ANK2: variants seen among roughly 807,000 people sequenced by gnomAD.
ANK2 encodes ankyrin 2.
In ANK2, 83 loss-of-function variants were observed where a neutral mutation model predicts 360.5. The ratio of observed to expected loss-of-function variants is 0.23; its 90% confidence interval spans 0.19 to 0.28. ANK2 has a LOEUF of 0.28. Ranked by LOEUF, ANK2 falls within the 10% of genes least tolerant of loss-of-function variation. ANK2 has a pLI of 1.00. For synonymous variants in ANK2, 1,740 were observed against 1,759.5 expected (o/e 0.99, Z 0.28); for missense variants, 4,201 against 4,795.7 (o/e 0.88, Z 3.66).
chr4:112,712,406 A>ATT, the ANK2 span, among the ~76,000 whole-genome samples: 9 of 86,826 alleles, frequency 1.0e-4, no homozygotes, highest in African/African-American at 4.0e-4. Flanking sequence ...ATATATATAT[A>ATT]TTTTTTTTTT....
chr4:113,298,715 A>G (rs1259297048), intron 22 of ANK2, among the ~76,000 whole-genome samples: 2 of 152,146 alleles, frequency 1.3e-5, no homozygotes, highest in Non-Finnish European at 2.9e-5. Flanking sequence ...TTTAACTTTT[A>G]AAGTAGTTTC....
intron 2 of ANK2, among the ~76,000 whole-genome samples, chr4:112,986,863 C>T (rs951742370): frequency 6.6e-6 from 1 of 152,180 alleles, no homozygotes; most frequent in Non-Finnish European, 1.5e-5. Context: ...GTTCACATTT[C>T]ACTTAACTTT....
At chr4:113,099,417 T>C (rs1470474147) in intron 1 of ANK2, among the ~76,000 whole-genome samples, 1 of 151,954 alleles carries the variant, frequency 6.6e-6, no homozygotes, top group East Asian at 1.9e-4. Flanking sequence ...GAAATACTTA[T>C]GTGTAATTCT....
the ANK2 span, among the ~76,000 whole-genome samples, chr4:112,760,523 TC>T: frequency 1.3e-5 from 2 of 151,668 alleles, no homozygotes; most frequent in Admixed American, 6.6e-5. Flanking sequence ...TTCATTGTAT[TC>T]TTTTTTTTTC....
chr4:112,932,865 T>C (rs894989919), intron 2 of ANK2, among the ~76,000 whole-genome samples: 1 of 152,186 alleles, frequency 6.6e-6, no homozygotes. Flanking sequence ...TTCAGAATAA[T>C]GTAAAAGTTC....
At chr4:113,210,349 T>A (rs563879141) in intron 4 of ANK2, among the ~76,000 whole-genome samples, 1 of 152,198 alleles carries the variant, frequency 6.6e-6, no homozygotes, top group Non-Finnish European at 1.5e-5. Flanking sequence ...TGAAGAAAAT[T>A]TGAGGCATAT....
the ANK2 span, among the ~76,000 whole-genome samples, chr4:112,792,895 T>C: frequency 6.6e-6 from 1 of 152,298 alleles, no homozygotes; most frequent in East Asian, 1.9e-4. Context: ...TGTTGTTTTA[T>C]TATAAAGCTG....
intron 1 of ANK2, among the ~76,000 whole-genome samples, chr4:113,108,760 A>T (rs1260045908): frequency 1.3e-5 from 2 of 152,294 alleles, no homozygotes; most frequent in East Asian, 3.9e-4. Flanking sequence ...AACTCTACAG[A>T]TGTTTTTATT....
rs533135253 is a variant in ANK2, at chr4:113,077,025, G to T, written c.84+27213G>T. 6.2e-4 allele frequency among the ~76,000 whole-genome samples: 94 copies of T among 151,586 alleles called. No individual in the cohort carries two copies. In the South Asian group the frequency reaches 0.011, roughly 18 times the overall value. On this transcript the variant is annotated intron_variant, in intron 1 of 45. Coordinates refer to ENST00000357077, the MANE Select transcript of ANK2 (RefSeq NM_001148.6). Reference sequence around the variant, plus strand: ...GGAAGGAAGGAAAGAAGGAAGGAAGGAAGGAAGGAAGGGAAGAAGGAACAT... The same window carrying T: ...GGAAGGAAGGAAAGAAGGAAGGAAGTAAGGAAGGAAGGGAAGAAGGAACAT...
At chr4:112,965,929 A>G (rs2037037743) in intron 2 of ANK2, among the ~76,000 whole-genome samples, 1 of 151,870 alleles carries the variant, frequency 6.6e-6, no homozygotes, top group Admixed American at 6.5e-5. Flanking sequence ...TTATTGCCTG[A>G]TTTTATAAAA....
intron 2 of ANK2, among the ~76,000 whole-genome samples, chr4:112,977,826 G>T (rs1046265219): frequency 6.6e-6 from 1 of 152,126 alleles, no homozygotes; most frequent in African/African-American, 2.4e-5. Flanking sequence ...GTGAGAATAT[G>T]CAGTGTTTGG....
At chr4:113,021,541 C>CACACACACACACACACACATATATAT (rs1489947974) in intron 2 of ANK2, among the ~76,000 whole-genome samples, 7 of 95,572 alleles carry the variant, frequency 7.3e-5, no homozygotes, top group Non-Finnish European at 1.4e-4. Context: ...CACACACAAA[C>CACACACACACACACACACATATATAT]ATATATATAT....
At chr4:112,900,788 C>T (rs1561015352) in intron 1 of ANK2, among the ~76,000 whole-genome samples, 1 of 152,192 alleles carries the variant, frequency 6.6e-6, no homozygotes, top group African/African-American at 2.4e-5. Flanking sequence ...TCCACCAAGC[C>T]CTTTAATGCC....
chr4:112,924,718 T>C lies in ANK2; in HGVS notation c.21+20204T>C, dbSNP rs148631748. 4.3e-3 allele frequency among the ~76,000 whole-genome samples: 659 copies of C among 152,156 alleles called. 16 individuals carry two copies. Among genetic ancestry groups the C allele is most frequent in the Admixed American group, 0.035 (529 of 15,294 alleles). The stretch of plus-strand genomic sequence containing the variant: ...TCTAACATGCTCTCAACTATGTTAT[T>C]TATATGCATAGAAAAATGCAAAAGA... On this transcript the variant is annotated intron_variant, in intron 2 of 30. Coordinates refer to the ANK2 transcript ENST00000503271.
intron 26 of ANK2, among the ~76,000 whole-genome samples, chr4:113,322,867 A>G (rs2087077650): frequency 6.6e-6 from 1 of 152,198 alleles, no homozygotes. Flanking sequence ...TATGTACGGC[A>G]GTTAAGTTAG....
intron 1 of ANK2, among the ~76,000 whole-genome samples, chr4:112,855,410 G>T (rs1349374960): frequency 2.0e-5 from 3 of 152,204 alleles, no homozygotes; most frequent in Non-Finnish European, 4.4e-5. Flanking sequence ...TATAGCTATT[G>T]ATTATGGTAG....
intron 2 of ANK2, among the ~76,000 whole-genome samples, chr4:112,962,348 A>T (rs2035255600): frequency 6.6e-6 from 1 of 152,142 alleles, no homozygotes; most frequent in Non-Finnish European, 1.5e-5. Context: ...CTCCATCTCC[A>T]TCCATGTTGC....
chr4:113,045,431 G>A (rs117052471), upstream of ANK2, among the ~76,000 whole-genome samples: 208 of 152,270 alleles, frequency 1.4e-3, 3 homozygotes, highest in East Asian at 0.039. Context: ...AAGAACAACA[G>A]CCTTCAAATC....
At chr4:112,820,695 A>G (rs1007834593) in intron 1 of ANK2, among the ~76,000 whole-genome samples, 7 of 151,980 alleles carry the variant, frequency 4.6e-5, no homozygotes, top group African/African-American at 1.7e-4. Flanking sequence ...TTAGCCTCCC[A>G]AGTAGCTGGG....
Sources: allele counts gnomAD v4.1 joint callset (sites outside exome capture counted in the v4.1 genomes callset), GRCh38; gene constraint gnomAD v4.1.1; transcripts MANE v1.5; gene names NCBI Gene and HGNC (gene_info 2026-07-23, HGNC 2026-07-21).